XYLT2: variants seen among roughly 807,000 people sequenced by gnomAD.
XYLT2 encodes xylosyltransferase 2.
In XYLT2, 37 loss-of-function variants were observed where a neutral mutation model predicts 82.6. The observed-to-expected ratio is 0.45, with a 90% CI of 0.34 to 0.59. The LOEUF is 0.59. Ranked by LOEUF, XYLT2 falls within the 20% of genes least tolerant of loss-of-function variation. XYLT2 has a pLI of 0.01. For synonymous variants in XYLT2, 474 were observed against 499.0 expected, an observed-to-expected ratio of 0.95 and a Z score of 0.67; for missense variants, 934 against 1,181.3, an observed-to-expected ratio of 0.79 and a Z score of 3.07.
chr17:50,356,222 C>A lies in XYLT2; in HGVS notation c.1443C>A (p.Ser481=). Residue 481 remains serine, a synonymous_variant, in exon 7 of 11, where the codon TCC becomes TCA. Coordinates refer to ENST00000017003, the MANE Select transcript of XYLT2 (RefSeq NM_022167.4). The part of the protein sequence containing the change: ...YKHIVDWCGC[S]PNDFKPQDFL... The stretch of plus-strand genomic sequence containing the variant: ...ACATTGTGGACTGGTGTGGCTGCTC[C>A]CCCAACGACTTCAAGCCACAGGACT... 6.2e-7 allele frequency: 1 copy of A among 1,614,174 alleles called. No individual in the cohort carries two copies. The highest frequency in any genetic ancestry group is 8.5e-7 in the Non-Finnish European group (1 of 1,180,008).
chr17:50,355,775 C>G lies in XYLT2; in HGVS notation c.1089-6C>G, dbSNP rs753907795. On this transcript the variant is annotated splice_polypyrimidine_tract_variant and splice_region_variant and intron_variant, in intron 5 of 10. Coordinates refer to ENST00000017003, the MANE Select transcript of XYLT2 (RefSeq NM_022167.4). ...TCCCCAGCCATGGCCTCTCTGCTGC[C>G]CACAGGTTCATCAAGAAACAGGGCC... is the stretch of plus-strand genomic sequence containing the variant. The G allele has an allele frequency of 1.2e-6, 2 of 1,614,082 alleles. No individual in the cohort carries two copies. Among genetic ancestry groups the G allele is most frequent in the Non-Finnish European group, 1.7e-6 (2 of 1,180,010 alleles).
intron 10 of XYLT2, chr17:50,359,678 G>T (rs915857385): frequency 4.8e-5 from 19 of 398,800 alleles, no homozygotes; most frequent in African/African-American, 3.5e-4. Flanking sequence ...ACCAATGATG[G>T]TCAAGAAAGG....
chr17:50,359,938 G>T (rs1390450541), intron 10 of XYLT2, 31 bp from the exon 11 acceptor site: 1 of 1,524,732 alleles, frequency 6.6e-7, no homozygotes, highest in East Asian at 2.4e-5. Flanking sequence ...TGTTGCAGGG[G>T]GTGTGCTTAC....
rs1413472491 is a variant in XYLT2, at chr17:50,360,566, T to TC, written c.*275_*276insC. On this transcript the variant is annotated 3_prime_UTR_variant, in exon 11 of 11. Coordinates refer to ENST00000017003, the MANE Select transcript of XYLT2 (RefSeq NM_022167.4). ...CTTCCTGTCTAGTTTGAATTTCTTT[T>TC]TTTTCTTTTTTTTTTTTTTTTTTTA... 5 of 1,076,566 alleles carry TC rather than the reference T, an allele frequency of 4.6e-6. No homozygotes were observed. Among genetic ancestry groups the TC allele is most frequent in the Non-Finnish European group, 4.4e-6 (4 of 902,940 alleles). 66.7% of individuals were successfully genotyped at this position (1,076,566 alleles called of 1,614,324 possible).
At chr17:50,351,514 G>C (rs1912266614) in intron 1 of XYLT2, among the ~76,000 whole-genome samples, 1 of 152,130 alleles carries the variant, frequency 6.6e-6, no homozygotes, top group Non-Finnish European at 1.5e-5. Context: ...TGTGCCTGTA[G>C]TCCCAGCCTC....
chr17:50,354,450 A>G lies in XYLT2; in HGVS notation c.671A>G (p.Gln224Arg), dbSNP rs1257969354. 5 of 1,611,782 alleles carry G rather than the reference A, an allele frequency of 3.1e-6. No homozygotes were observed. The highest frequency in any genetic ancestry group is 4.2e-6 in the Non-Finnish European group (5 of 1,179,752). ...PGIQWDESQA[Q>R]QPMDGPPVRI... ...ATCCAGTGGGATGAGAGCCAAGCCC[A>G]GCAGCCCATGGATGGCCCCCCGGTG... is the stretch of plus-strand genomic sequence containing the variant. The change falls in exon 3 of 11, where the codon CAG becomes CGG. Residue 224 changes from glutamine (Q) to arginine (R), a missense_variant. By Grantham distance (43) the Gln-to-Arg change is conservative (BLOSUM62 1). Coordinates refer to ENST00000017003, the MANE Select transcript of XYLT2 (RefSeq NM_022167.4).
chr17:50,354,397 T>C lies in XYLT2; in HGVS notation c.629-11T>C, dbSNP rs1416730008. 6.2e-7 allele frequency: 1 copy of C among 1,601,682 alleles called. No homozygotes were observed. Among genetic ancestry groups the C allele is most frequent in the East Asian group, 2.2e-5 (1 of 44,656 alleles). On this transcript the variant is annotated splice_polypyrimidine_tract_variant and intron_variant, in intron 2 of 10. Transcript: ENST00000017003. ...GGGTGGGCCTCGCCAACGCCTGTCC[T>C]CTGCTCTCAGGGAAGATGAGCCCCG...
Position 50,360,710 on chromosome 17 carries a change from C to G in XYLT2, c.*419C>G, listed in dbSNP as rs568161239. 1.0e-6 allele frequency: 1 copy of G among 992,696 alleles called. No homozygotes were observed. The highest frequency in any genetic ancestry group is 1.1e-4 in the East Asian group (1 of 9,146). 61.5% of individuals were successfully genotyped at this position (992,696 alleles called of 1,614,324 possible). A position where few individuals can be genotyped will look rare whatever the true frequency, so the allele number is the denominator to read the frequency against. ...GGGGAGCAGGGGCTTGCTGAGCCCA[C>G]CTGCTATTGTTCTGCACGAGGCTGG... On this transcript the variant is annotated 3_prime_UTR_variant, in exon 11 of 11. Coordinates refer to ENST00000017003, the MANE Select transcript of XYLT2 (RefSeq NM_022167.4).
chr17:50,360,853 CGGG>C lies in XYLT2; in HGVS notation c.*565_*567del. On this transcript the variant is annotated 3_prime_UTR_variant, in exon 11 of 11. Transcript: ENST00000017003. ...CTAAGGCCCGAAGAACAGGTGATAT[CGGG>C]GGCGCTGCAGAGCTGGGCTCTAGCA... 2.0e-6 allele frequency: 2 copies of C among 985,902 alleles called. No homozygotes were observed. Among genetic ancestry groups the C allele is most frequent in the Non-Finnish European group, 2.4e-6 (2 of 829,976 alleles). 61.1% of individuals were successfully genotyped at this position (985,902 alleles called of 1,614,324 possible).
chr17:50,351,165 G>T (rs964446966), intron 1 of XYLT2, among the ~76,000 whole-genome samples: 1 of 152,194 alleles, frequency 6.6e-6, no homozygotes, highest in Non-Finnish European at 1.5e-5. Context: ...AGAAACACCA[G>T]CTGCTGTGAT....
rs1912390619 is a variant in XYLT2 at position 50,354,013 on chromosome 17, G to A, written c.519G>A (p.Leu173=). ...EIVGKDALSA[L]ARASTKQCQQ... is the part of the protein sequence containing the mutation. The stretch of plus-strand genomic sequence containing the variant: ...TGGGCAAGGACGCACTGTCTGCACT[G>A]GCCCGGGCCAGCACCAAGCAGTGCC... Residue 173 remains leucine, a synonymous_variant, in exon 2 of 11, where the codon CTG becomes CTA. Coordinates refer to ENST00000017003, the MANE Select transcript of XYLT2 (RefSeq NM_022167.4). The A allele has an allele frequency of 2.5e-6, 4 of 1,607,312 alleles. No individual in the cohort carries two copies. The African/African-American group carries it at 4.0e-5, about 16-fold the overall frequency.
rs140453119 is a variant in XYLT2 at position 50,356,657 on chromosome 17, G to A, written c.1629G>A (p.Ala543=). 2.4e-5 allele frequency: 38 copies of A among 1,613,820 alleles called. No individual in the cohort carries two copies. Among genetic ancestry groups the A allele is most frequent in the Middle Eastern group, 1.6e-4 (1 of 6,084 alleles). The stretch of plus-strand genomic sequence containing the variant: ...CCTACTGGGAGAACACCTACGACGC[G>A]GCTGATGGCCCCAGTGGGCTCAGTG... ...LKAYWENTYD[A]ADGPSGLSDV... Residue 543 remains alanine, a synonymous_variant, in exon 8 of 11, where the codon GCG becomes GCA. Coordinates refer to ENST00000017003, the MANE Select transcript of XYLT2 (RefSeq NM_022167.4).
At chr17:50,354,773 T>A in intron 3 of XYLT2, 81 bp from the exon 4 acceptor site, 1 of 1,587,824 alleles carries the variant, frequency 6.3e-7, no homozygotes, top group Admixed American at 1.7e-5. Context: ...TTCCTCGTCT[T>A]GTGTCCCTTC....
intron 1 of XYLT2, among the ~76,000 whole-genome samples, chr17:50,348,117 T>A (rs912746180): frequency 6.6e-5 from 10 of 152,178 alleles, no homozygotes; most frequent in Non-Finnish European, 1.2e-4. Context: ...CATTCATTCA[T>A]TCATTCCACA....
Position 50,346,392 on chromosome 17 carries a change from G to T in XYLT2, c.135+117G>T. The T allele has an allele frequency of 1.0e-6, 1 of 972,812 alleles. No individual in the cohort carries two copies. The highest frequency in any genetic ancestry group is 1.2e-6 in the Non-Finnish European group (1 of 817,776). 60.3% of individuals were successfully genotyped at this position (972,812 alleles called of 1,614,324 possible). A position where few individuals can be genotyped will look rare whatever the true frequency, so the allele number is the denominator to read the frequency against. On this transcript the variant is annotated intron_variant, in intron 1 of 10. Transcript: ENST00000017003. This position sits in a 1 kb window ranked among gnomAD's most constrained non-coding sequence, Gnocchi z 5.1. ...GCACGGGCCGCGTGCGTGCGTGCGG[G>T]GCGCCGGCGGTCGCCCAGAGCGGAG...
chr17:50,346,654 G>GT lies in XYLT2; in HGVS notation c.135+381dup. The GT allele has an allele frequency of 1.0e-6, 1 of 985,410 alleles. No individual in the cohort carries two copies. Among genetic ancestry groups the GT allele is most frequent in the Non-Finnish European group, 1.2e-6 (1 of 829,914 alleles). The allele number at this position is 985,410 out of a possible 1,614,324, so 61.0% of individuals were successfully genotyped here. A position where few individuals can be genotyped will look rare whatever the true frequency, so the allele number is the denominator to read the frequency against. On this transcript the variant is annotated intron_variant, in intron 1 of 10. Coordinates refer to ENST00000017003, the MANE Select transcript of XYLT2 (RefSeq NM_022167.4). This position sits in a 1 kb window ranked among gnomAD's most constrained non-coding sequence, Gnocchi z 5.1. ...GGAGCCCCAGGCCAAACTTTCTGAA[G>GT]TTGGGAGGGGGCGGGGATATGCGCG...
In XYLT2 at chr17:50,355,976, A is replaced by T. The variant is rs768499832; in HGVS notation, c.1284A>T (p.Thr428=). 3 of 1,614,186 alleles carry T rather than the reference A, an allele frequency of 1.9e-6. No individual in the cohort carries two copies. Among genetic ancestry groups the T allele is most frequent in the South Asian group, 2.2e-5 (2 of 91,088 alleles). The change falls in exon 6 of 11, where the codon ACA becomes ACT. Residue 428 remains threonine (T), a synonymous_variant. Transcript: ENST00000017003. ...TGGCCCAGCTGCGCCAGTTCTACAC[A>T]TACACACTGCTCCCAGCCGAGGTGG... The part of the protein sequence containing the change: ...PLVAQLRQFY[T]YTLLPAESFF...
In XYLT2 at chr17:50,355,772, T is replaced by C. The variant is rs193124050; in HGVS notation, c.1089-9T>C. 16,931 of 1,613,922 alleles carry C rather than the reference T, an allele frequency of 0.01. 131 individuals are homozygous for C. The highest frequency in any genetic ancestry group is 0.012 in the Non-Finnish European group (13,797 of 1,179,894). Reference sequence around the variant, plus strand: ...GGATCCCCAGCCATGGCCTCTCTGCTGCCCACAGGTTCATCAAGAAACAGG... The same window carrying C: ...GGATCCCCAGCCATGGCCTCTCTGCCGCCCACAGGTTCATCAAGAAACAGG... On this transcript the variant is annotated splice_polypyrimidine_tract_variant and intron_variant, in intron 5 of 10. Coordinates refer to ENST00000017003, the MANE Select transcript of XYLT2 (RefSeq NM_022167.4).
At chr17:50,349,241 A>G (rs772404157) in intron 1 of XYLT2, among the ~76,000 whole-genome samples, 24 of 152,210 alleles carry the variant, frequency 1.6e-4, no homozygotes, top group Admixed American at 6.5e-4. Flanking sequence ...AAGCTTGGGA[A>G]TGTCTTTCTC....
Sources: allele counts gnomAD v4.1 joint callset (sites outside exome capture counted in the v4.1 genomes callset), GRCh38; gene constraint gnomAD v4.1.1; non-coding constraint Gnocchi (gnomAD v3.1); transcripts MANE v1.5; gene names NCBI Gene and HGNC (gene_info 2026-07-23, HGNC 2026-07-21).